SPG11: variants seen among roughly 807,000 people sequenced by gnomAD.
The protein encoded by SPG11 is SPG11 vesicle trafficking associated, spatacsin.
In SPG11, 222 loss-of-function variants were observed where a neutral mutation model predicts 274.0. That is an observed-to-expected ratio of 0.81 (90% CI 0.73 to 0.91). The LOEUF is 0.91. SPG11 is among the 40% of genes least tolerant of loss of function. SPG11 has a pLI of 0.00. For synonymous variants in SPG11, 1,144 were observed against 1,039.7 expected (o/e 1.10, Z -1.93); for missense variants, 3,114 against 2,872.7 (o/e 1.08, Z -1.92).
At chr15:44,620,161 A>G (rs1365106338) in intron 15 of SPG11, 29 bp downstream of exon 15, 1 of 1,535,888 alleles carries the variant, frequency 6.5e-7, no homozygotes, top group South Asian at 1.1e-5. Context: ...TATTCTTCCC[A>G]TTGGGTATTA....
chr15:44,610,139 G>A (rs892864547), intron 18 of SPG11, among the ~76,000 whole-genome samples: 8 of 151,906 alleles, frequency 5.3e-5, no homozygotes, highest in Admixed American at 1.3e-4. Context: ...CTGACTTCAA[G>A]TGATCCACTC....
chr15:44,565,660 C>T (rs1595816597), intron 38 of SPG11, among the ~76,000 whole-genome samples, 194 bp downstream of exon 38: 1 of 152,208 alleles, frequency 6.6e-6, no homozygotes, highest in Admixed American at 6.5e-5. Context: ...TTACCATTCT[C>T]TAACCTCTGC....
At chr15:44,636,487 C>A (rs985724169) in intron 7 of SPG11, among the ~76,000 whole-genome samples, 1 of 151,004 alleles carries the variant, frequency 6.6e-6, no homozygotes, top group African/African-American at 2.4e-5. Context: ...TGGTGAAACC[C>A]CGTCTCTACT....
intron 33 of SPG11, among the ~76,000 whole-genome samples, chr15:44,571,590 C>T (rs1396033918): frequency 6.6e-5 from 10 of 151,290 alleles, no homozygotes; most frequent in Admixed American, 2.6e-4. Context: ...CTCCACCTCC[C>T]GGGTTCAGGC....
At chr15:44,650,143 C>T (rs2084724432) in intron 6 of SPG11, among the ~76,000 whole-genome samples, 1 of 152,092 alleles carries the variant, frequency 6.6e-6, no homozygotes, top group South Asian at 2.1e-4. Context: ...TGAATGAATG[C>T]ATATCTGAAA....
chr15:44,618,351 AC>A (rs2083645172), intron 15 of SPG11, among the ~76,000 whole-genome samples: 1 of 149,960 alleles, frequency 6.7e-6, no homozygotes, highest in Non-Finnish European at 1.5e-5. Flanking sequence ...TACTAAAAAT[AC>A]AAAAGAAAAA....
At chr15:44,639,519 A>G (rs1054970025) in intron 7 of SPG11, among the ~76,000 whole-genome samples, 1 of 152,082 alleles carries the variant, frequency 6.6e-6, no homozygotes, top group Non-Finnish European at 1.5e-5. Flanking sequence ...TCTGGGGCAC[A>G]TGGCAAAACC....
intron 30 of SPG11, among the ~76,000 whole-genome samples, chr15:44,581,182 T>G (rs1319405044): frequency 6.6e-6 from 1 of 152,198 alleles, no homozygotes; most frequent in Non-Finnish European, 1.5e-5. Context: ...AACAACATTT[T>G]CAAGCACTGA....
At chr15:44,635,595 CAAAAAAAAA>C (rs56776994) in intron 7 of SPG11, among the ~76,000 whole-genome samples, 1 of 54,074 alleles carries the variant, frequency 1.8e-5, no homozygotes, top group South Asian at 7.6e-4. Flanking sequence ...AACCCTGTCT[CAAAAAAAAA>C]AAAAAAAAAA....
rs911119510 is a variant in SPG11, at chr15:44,663,634, T to G, written c.14A>C (p.Glu5Ala). 9 of 1,595,266 alleles carry G rather than the reference T, an allele frequency of 5.6e-6. No homozygotes were observed. The highest frequency in any genetic ancestry group is 7.6e-6 in the Non-Finnish European group (9 of 1,176,536). MAAEEGVASAASAGG... is the reference protein window; with the variant it reads MAAEAGVASAASAGG... ...GGCGGAAGCAGCACTCGCGACCCCT[T>G]CCTCTGCAGCCATCTTGGCCCGGCG... Residue 5 changes from glutamate (E) to alanine (A), a missense_variant, in exon 1 of 40, where the codon GAA (glutamate) becomes GCA (alanine). Glu to Ala is a moderately radical substitution (Grantham distance 107). Coordinates refer to ENST00000261866, the MANE Select transcript of SPG11 (RefSeq NM_025137.4).
In SPG11 at chr15:44,574,920, A is replaced by G. The variant is rs779320672; in HGVS notation, c.5988T>C (p.Cys1996=). 6.2e-7 allele frequency: 1 copy of G among 1,613,962 alleles called. No individual in the cohort carries two copies. Among genetic ancestry groups the G allele is most frequent in the Non-Finnish European group, 8.5e-7 (1 of 1,180,012 alleles). The change falls in exon 31 of 40, where the codon TGT becomes TGC. Residue 1996 remains cysteine (C), a synonymous_variant. Transcript: ENST00000261866. The part of the protein sequence containing the change: ...HGKNYCRQVL[C]LYDLAKELGC... ...CACATACCTTGGCAAGATCATACAG[A>G]CAGAGGACCTGTCGACAGTAGTTCT...
chr15:44,634,682 G>A (rs2084186136), intron 7 of SPG11, among the ~76,000 whole-genome samples: 1 of 152,080 alleles, frequency 6.6e-6, no homozygotes, highest in Middle Eastern at 3.4e-3. Flanking sequence ...CGCCTCCCAG[G>A]TTCAAGTGAT....
At chr15:44,588,676 G>T (rs1354970997) in intron 28 of SPG11, 4 of 429,072 alleles carry the variant, frequency 9.3e-6, no homozygotes, top group South Asian at 6.6e-5. Flanking sequence ...ACAAGGGAAT[G>T]TGGGGAAGTA....
At chr15:44,642,189 A>T (rs189690932) in intron 7 of SPG11, among the ~76,000 whole-genome samples, 68 of 151,692 alleles carry the variant, frequency 4.5e-4, no homozygotes, top group African/African-American at 1.6e-3. Context: ...AATATCGTGA[A>T]ACCCCATCTC....
chr15:44,628,801 G>C lies in SPG11; in HGVS notation c.1935C>G (p.Ser645Arg). 1 of 1,613,614 alleles carries C rather than the reference G, an allele frequency of 6.2e-7. No individual in the cohort carries two copies. The highest frequency in any genetic ancestry group is 8.5e-7 in the Non-Finnish European group (1 of 1,179,950). ...HLQKGVNILT[S>R]YINELRTFMI... is the part of the protein sequence containing the mutation. The stretch of plus-strand genomic sequence containing the variant: ...TGAAGGTTCGAAGTTCATTAATGTA[G>C]CTAGTCAAAATGTTCACTCCTTTTT... The change falls in exon 10 of 40, where the codon AGC becomes AGG. Residue 645 changes from serine (S) to arginine (R), a missense_variant. By Grantham distance (110) the Ser-to-Arg change is moderately radical. Coordinates refer to ENST00000261866, the MANE Select transcript of SPG11 (RefSeq NM_025137.4).
At chr15:44,618,470 T>C (rs1366943205) in intron 15 of SPG11, among the ~76,000 whole-genome samples, 3 of 121,520 alleles carry the variant, frequency 2.5e-5, no homozygotes, top group African/African-American at 9.9e-5. Context: ...TGAGCAGAGA[T>C]AGCGCCACTG....
At chr15:44,568,244 T>C (rs971237579) in intron 35 of SPG11, among the ~76,000 whole-genome samples, 2 of 152,222 alleles carry the variant, frequency 1.3e-5, no homozygotes, top group African/African-American at 2.4e-5. Context: ...GCATTACTTT[T>C]GTAATCAGGA....
Position 44,562,868 on chromosome 15 carries a change from G to T in SPG11, c.*253C>A, listed in dbSNP as rs887044032. Reference sequence around the variant, plus strand: ...CTAAAGTAGAAGCTGTCCTGAGGAAGAGGAAGCTTTTGATCTTAATACTAG... The same window carrying T: ...CTAAAGTAGAAGCTGTCCTGAGGAATAGGAAGCTTTTGATCTTAATACTAG... On this transcript the variant is annotated 3_prime_UTR_variant, in exon 40 of 40. Coordinates refer to ENST00000261866, the MANE Select transcript of SPG11 (RefSeq NM_025137.4). 4 of 456,866 alleles carry T rather than the reference G, an allele frequency of 8.8e-6. No individual in the cohort carries two copies. In the Admixed American group the frequency reaches 1.5e-4, roughly 17 times the overall value. The allele number at this position is 456,866 out of a possible 1,614,324, so 28.3% of individuals were successfully genotyped here.
intron 27 of SPG11, 151 bp from the exon 28 acceptor site, chr15:44,589,565 G>A (rs1327261881): frequency 2.2e-6 from 2 of 899,972 alleles, no homozygotes; most frequent in East Asian, 5.3e-5. Context: ...CCAAATGGCA[G>A]GAACTGGTAA....
Sources: gnomAD v4.1 joint callset for allele counts (sites outside exome capture counted in the v4.1 genomes callset) on GRCh38, gnomAD v4.1.1 for gene constraint, MANE v1.5 for transcripts, NCBI Gene and HGNC (gene_info 2026-07-23, HGNC 2026-07-21) for gene names.